The following ENOPH1 variants were observed in gnomAD, a reference collection of about 807,000 sequenced individuals.
ENOPH1 encodes enolase-phosphatase 1, also known as enolase-phosphatase E1.
ENOPH1 carries 14 observed loss-of-function variants against 31.1 expected under a neutral mutation model. The observed-to-expected ratio is 0.45, with a 90% CI of 0.30 to 0.70. The LOEUF is 0.70. Among genes scored for constraint, ENOPH1 ranks in the 30% least tolerant of loss-of-function variants. The probability of loss-of-function intolerance (pLI) is 0.09; values close to 1 mark genes in which losing one functional copy is unlikely to be tolerated. For synonymous variants in ENOPH1, 127 were observed against 123.2 expected, an observed-to-expected ratio of 1.03 and a Z score of -0.21; for missense variants, 243 against 321.5, an observed-to-expected ratio of 0.76 and a Z score of 1.87.
At chr4:82,435,982 T>C (rs903645110) in intron 1 of ENOPH1, among the ~76,000 whole-genome samples, 2 of 152,142 alleles carry the variant, frequency 1.3e-5, no homozygotes, top group Non-Finnish European at 2.9e-5. Context: ...GAAACACTGA[T>C]TATAATGCAG....
intron 1 of ENOPH1, 98 bp from the exon 2 acceptor site, chr4:82,447,822 T>C (rs1722234163): frequency 4.9e-6 from 3 of 614,540 alleles, no homozygotes; most frequent in African/African-American, 3.8e-5. Context: ...TTCCATTGAT[T>C]TATTTGTTAC....
intron 2 of ENOPH1, among the ~76,000 whole-genome samples, chr4:82,448,598 A>C (rs1578099588): frequency 6.6e-6 from 1 of 150,822 alleles, no homozygotes; most frequent in African/African-American, 2.4e-5. Flanking sequence ...AATATATGAT[A>C]TTGTTAGGCA....
At chr4:82,448,256 GTTTTGTTTT>G (rs1294259559) in intron 2 of ENOPH1, among the ~76,000 whole-genome samples, 13 of 136,588 alleles carry the variant, frequency 9.5e-5, no homozygotes, top group African/African-American at 2.0e-4. Flanking sequence ...GTTTTGTTTT[GTTTTGTTTT>G]TTTTGTTTTT....
intron 3 of ENOPH1, among the ~76,000 whole-genome samples, chr4:82,452,248 G>A (rs1722369775): frequency 6.6e-6 from 1 of 151,818 alleles, no homozygotes; most frequent in South Asian, 2.1e-4. Flanking sequence ...AAACATTTTT[G>A]TAGAGGTGTG....
At chr4:82,446,656 A>G (rs1400853960) in intron 1 of ENOPH1, among the ~76,000 whole-genome samples, 1 of 130,762 alleles carries the variant, frequency 7.6e-6, no homozygotes, top group East Asian at 2.2e-4. Flanking sequence ...ATTGTTTTGC[A>G]CATCACTTTT....
rs1429066619 is a variant in ENOPH1 at position 82,456,284 on chromosome 4, TTG to T, written c.523-628_523-627del. 5.3e-5 allele frequency among the ~76,000 whole-genome samples: 8 copies of T among 151,928 alleles called. No individual in the cohort carries two copies. In the South Asian group the frequency reaches 1.2e-3, roughly 24 times the overall value. ...AGTGCTTACTATGCTTGTTTTTAGTTTGTGAAAAGTTCTGAAAACATTCAAAA... is the reference window on the plus strand; with the variant it reads ...AGTGCTTACTATGCTTGTTTTTAGTTTGAAAAGTTCTGAAAACATTCAAAA... On this transcript the variant is annotated intron_variant, in intron 4 of 5. Coordinates refer to ENST00000273920, the MANE Select transcript of ENOPH1 (RefSeq NM_021204.5).
intron 1 of ENOPH1, among the ~76,000 whole-genome samples, chr4:82,436,153 A>T (rs1157849805): frequency 6.6e-6 from 1 of 152,204 alleles, no homozygotes; most frequent in African/African-American, 2.4e-5. Flanking sequence ...GAAATATGTT[A>T]AAAATAAGAC....
intron 1 of ENOPH1, among the ~76,000 whole-genome samples, chr4:82,433,139 A>T (rs755006931): frequency 3.3e-5 from 5 of 152,222 alleles, no homozygotes; most frequent in Non-Finnish European, 7.3e-5. Context: ...TAAGGACAGG[A>T]GAGGTAGTGA....
intron 1 of ENOPH1, among the ~76,000 whole-genome samples, chr4:82,444,203 T>A (rs575455658): frequency 1.3e-5 from 2 of 151,666 alleles, no homozygotes; most frequent in African/African-American, 4.8e-5. Context: ...TTTCTTTATG[T>A]AGCTGTACTC....
chr4:82,460,150 T>C lies in ENOPH1; in HGVS notation c.*30T>C. On this transcript the variant is annotated 3_prime_UTR_variant, in exon 6 of 6. Coordinates refer to ENST00000273920, the MANE Select transcript of ENOPH1 (RefSeq NM_021204.5). ...GGGTTGTTAAGGCAGACCGCCCTGT[T>C]CCCCAGAGTTGTCCCTGTAGTGTCT... 6.2e-7 allele frequency: 1 copy of C among 1,613,124 alleles called. No individual in the cohort carries two copies. Among genetic ancestry groups the C allele is most frequent in the Non-Finnish European group, 8.5e-7 (1 of 1,179,266 alleles).
intron 2 of ENOPH1, among the ~76,000 whole-genome samples, chr4:82,448,554 C>A (rs1470896531): frequency 4.6e-5 from 7 of 151,146 alleles, no homozygotes; most frequent in Non-Finnish European, 8.9e-5. Context: ...GAGCTTACCA[C>A]CCCCAGCCCA....
At chr4:82,457,089 G>A in intron 5 of ENOPH1, 51 bp downstream of exon 5, 6 of 1,551,272 alleles carry the variant, frequency 3.9e-6, no homozygotes, top group Non-Finnish European at 5.3e-6. Context: ...AACTGAGCCT[G>A]GCACTACAAA....
At chr4:82,447,878 A>C (rs1312166625) in intron 1 of ENOPH1, 42 bp from the exon 2 acceptor site, 1 of 1,268,028 alleles carries the variant, frequency 7.9e-7, no homozygotes, top group Non-Finnish European at 1.1e-6. Context: ...TTTACAACTG[A>C]TAAAAGCTAA....
At chr4:82,459,891 AT>A (rs1722600856) in intron 5 of ENOPH1, 89 bp from the exon 6 acceptor site, 6 of 1,449,290 alleles carry the variant, frequency 4.1e-6, no homozygotes, top group Admixed American at 1.8e-5. Flanking sequence ...CATTTCTTCC[AT>A]CCCCACATCC....
chr4:82,436,375 G>A, intron 1 of ENOPH1, among the ~76,000 whole-genome samples: 1 of 152,122 alleles, frequency 6.6e-6, no homozygotes, highest in East Asian at 1.9e-4. Context: ...TCACTGTCTT[G>A]CGTATATCAA....
At chr4:82,439,382 T>G (rs1233503458) in intron 1 of ENOPH1, among the ~76,000 whole-genome samples, 1 of 152,226 alleles carries the variant, frequency 6.6e-6, no homozygotes, top group African/African-American at 2.4e-5. Context: ...TTGGTGGGAC[T>G]TTGGAGCTCA....
chr4:82,438,089 G>A (rs537644386), intron 1 of ENOPH1, among the ~76,000 whole-genome samples: 2 of 152,272 alleles, frequency 1.3e-5, no homozygotes, highest in Admixed American at 1.3e-4. Flanking sequence ...AAGATAAAAA[G>A]TGAAATATGT....
chr4:82,456,986 C>T lies in ENOPH1; in HGVS notation c.594C>T (p.Asp198=). Residue 198 remains aspartate (D), a synonymous_variant, in exon 5 of 6, where the codon GAC becomes GAT. Coordinates refer to ENST00000273920, the MANE Select transcript of ENOPH1 (RefSeq NM_021204.5). ...VESESYRKIA[D]SIGCSTNNIL... ...GTGAAAGTTACCGAAAGATTGCAGA[C>T]AGCATTGGGTGCTCAACCAACAACA... 6.2e-7 allele frequency: 1 copy of T among 1,614,074 alleles called. No homozygotes were observed. The highest frequency in any genetic ancestry group is 8.5e-7 in the Non-Finnish European group (1 of 1,179,990).
chr4:82,432,174 G>A (rs915564800), intron 1 of ENOPH1, among the ~76,000 whole-genome samples: 1 of 152,166 alleles, frequency 6.6e-6, no homozygotes, highest in South Asian at 2.1e-4. Context: ...TTACAGGCAT[G>A]AGCCAAGGCG....
Sources: gnomAD v4.1 joint callset for allele counts (sites outside exome capture counted in the v4.1 genomes callset) on GRCh38, gnomAD v4.1.1 for gene constraint, MANE v1.5 for transcripts, NCBI Gene and HGNC (gene_info 2026-07-23, HGNC 2026-07-21) for gene names.